Variants in GNAQ observed in about 807,000 individuals in gnomAD.
GNAQ encodes the protein guanine nucleotide-binding protein G(q) subunit alpha.
Under a neutral mutation model 43.9 loss-of-function variants are expected in GNAQ, and 8 were observed. The observed-to-expected ratio is 0.18, with a 90% confidence interval of 0.11 to 0.33. The LOEUF (loss-of-function observed/expected upper bound fraction) is 0.33. Among genes scored for constraint, GNAQ ranks in the 10% least tolerant of loss-of-function variants. The pLI, the probability that GNAQ is intolerant of heterozygous loss-of-function variation, is 1.00. For missense variants in GNAQ, 158 were observed against 450.8 expected (o/e 0.35, Z 5.88); for synonymous variants, 155 against 170.7 (o/e 0.91, Z 0.71).
At chr9:77,929,991 C>T (rs1829126407) in intron 1 of GNAQ, among the ~76,000 whole-genome samples, 1 of 151,898 alleles carries the variant, frequency 6.6e-6, no homozygotes. Flanking sequence ...TAAAAATTAC[C>T]CTGTCATAAC....
intron 6 of GNAQ, among the ~76,000 whole-genome samples, chr9:77,722,188 G>A (rs1191104314): frequency 6.6e-6 from 1 of 151,142 alleles, no homozygotes; most frequent in Non-Finnish European, 1.5e-5. Flanking sequence ...CCAGGTAAGA[G>A]TGCAGTGATA....
chr9:77,722,971 CA>C (rs1423500207), intron 6 of GNAQ, among the ~76,000 whole-genome samples: 7 of 152,144 alleles, frequency 4.6e-5, no homozygotes, highest in African/African-American at 1.7e-4. Context: ...AGTGAAAAGC[CA>C]ATCTATAGAA....
rs959534596 is a variant in GNAQ at position 77,720,850 on chromosome 9, C to T, written c.*473G>A. ...GATGGCTTAAATCGAACGATGTGTCCTGACTGTATCATTTGAGAGAAAAAC... is the reference window on the plus strand; with the variant it reads ...GATGGCTTAAATCGAACGATGTGTCTTGACTGTATCATTTGAGAGAAAAAC... On this transcript the variant is annotated 3_prime_UTR_variant, in exon 7 of 7. Coordinates refer to ENST00000286548, the MANE Select transcript of GNAQ (RefSeq NM_002072.5). 1.7e-5 allele frequency: 4 copies of T among 236,050 alleles called. No homozygotes were observed. The highest frequency in any genetic ancestry group is 4.4e-5 in the African/African-American group (2 of 45,326). The allele number at this position is 236,050 out of a possible 1,614,324, so 14.6% of individuals were successfully genotyped here.
At chr9:77,927,466 A>T (rs1829085651) in intron 1 of GNAQ, among the ~76,000 whole-genome samples, 1 of 152,124 alleles carries the variant, frequency 6.6e-6, no homozygotes, top group Admixed American at 6.5e-5. Context: ...TATTACTGCC[A>T]CTGCTCCGAA....
intron 5 of GNAQ, among the ~76,000 whole-genome samples, chr9:77,758,257 C>A (rs1404524509): frequency 6.6e-6 from 1 of 152,198 alleles, no homozygotes; most frequent in Non-Finnish European, 1.5e-5. Context: ...CTAATACAGG[C>A]TGCCTGTGTT....
At chr9:77,723,637 G>GTAATA (rs537016003) in intron 6 of GNAQ, among the ~76,000 whole-genome samples, 3 of 152,196 alleles carry the variant, frequency 2.0e-5, no homozygotes, top group Non-Finnish European at 2.9e-5. Flanking sequence ...GACAGATGCT[G>GTAATA]TAATATGCAT....
At chr9:77,756,645 G>T (rs1825907727) in intron 5 of GNAQ, among the ~76,000 whole-genome samples, 1 of 152,212 alleles carries the variant, frequency 6.6e-6, no homozygotes, top group Non-Finnish European at 1.5e-5. Flanking sequence ...GAACTGGATT[G>T]CTTCCTTAAC....
chr9:77,951,064 A>G (rs1822969174), intron 1 of GNAQ, among the ~76,000 whole-genome samples: 1 of 149,960 alleles, frequency 6.7e-6, no homozygotes, highest in Non-Finnish European at 1.5e-5. Context: ...CATTTATAAA[A>G]TATGAATACT....
rs77760206 is a variant in GNAQ at position 77,821,818 on chromosome 9, C to T, written c.322-6048G>A. ...CTAGTTTATCTTCAGAGAGTTTATA[C>T]AAAGTCACAGTTGATTTAAAAAAAT... On this transcript the variant is annotated intron_variant, in intron 2 of 6. Transcript: ENST00000286548. Among the ~76,000 whole-genome samples the T allele has an allele frequency of 4.2e-3, 640 of 150,724 alleles. 4 individuals are homozygous for T. Among genetic ancestry groups the T allele is most frequent in the African/African-American group, 0.015 (612 of 41,036 alleles).
intron 1 of GNAQ, among the ~76,000 whole-genome samples, chr9:78,020,347 A>G (rs899088086): frequency 6.6e-6 from 1 of 152,166 alleles, no homozygotes; most frequent in African/African-American, 2.4e-5. Context: ...TGGAGGAAAC[A>G]TGTTGCAAAT....
At chr9:78,012,476 G>C (rs1409660886) in intron 1 of GNAQ, among the ~76,000 whole-genome samples, 2 of 151,844 alleles carry the variant, frequency 1.3e-5, no homozygotes, top group African/African-American at 4.8e-5. Context: ...CAAAGTGCTG[G>C]GATTACAGGT....
chr9:77,861,318 T>C (rs1174329817), intron 2 of GNAQ, among the ~76,000 whole-genome samples: 4 of 152,108 alleles, frequency 2.6e-5, no homozygotes, highest in African/African-American at 7.2e-5. Flanking sequence ...AAGGTGAGAT[T>C]TGGGTGGGGA....
chr9:77,912,990 T>C (rs574448319), intron 2 of GNAQ, among the ~76,000 whole-genome samples: 1 of 152,190 alleles, frequency 6.6e-6, no homozygotes, highest in Non-Finnish European at 1.5e-5. Flanking sequence ...CCAAAACTAG[T>C]AATACCAGCC....
At chr9:77,873,830 G>A (rs1318121779) in intron 2 of GNAQ, among the ~76,000 whole-genome samples, 2 of 152,160 alleles carry the variant, frequency 1.3e-5, no homozygotes, top group Non-Finnish European at 2.9e-5. Flanking sequence ...CCTTTGCCGG[G>A]CGCGGTGGCT....
At chr9:77,837,238 G>A (rs1408876256) in intron 2 of GNAQ, among the ~76,000 whole-genome samples, 1 of 152,114 alleles carries the variant, frequency 6.6e-6, no homozygotes, top group Non-Finnish European at 1.5e-5. Flanking sequence ...TTTCTCAGAA[G>A]TGGAATTCTG....
intron 2 of GNAQ, among the ~76,000 whole-genome samples, chr9:77,861,710 G>A (rs943088183): frequency 9.9e-5 from 15 of 152,092 alleles, no homozygotes; most frequent in African/African-American, 2.7e-4. Context: ...ACACTGATGC[G>A]TGATGCATGA....
chr9:77,728,221 T>C (rs1004525512), intron 6 of GNAQ, among the ~76,000 whole-genome samples: 7 of 152,080 alleles, frequency 4.6e-5, no homozygotes, highest in African/African-American at 1.7e-4. Context: ...TCTCGATCGC[T>C]TGACCTCGTG....
At chr9:77,759,985 C>G (rs1370280807) in intron 5 of GNAQ, among the ~76,000 whole-genome samples, 1 of 148,666 alleles carries the variant, frequency 6.7e-6, no homozygotes, top group East Asian at 2.0e-4. Context: ...GTCTCAAACC[C>G]CTGGGCACAA....
intron 1 of GNAQ, among the ~76,000 whole-genome samples, chr9:78,022,273 G>A (rs1587465584): frequency 6.6e-6 from 1 of 152,158 alleles, no homozygotes; most frequent in Admixed American, 6.5e-5. Context: ...TGGCCGAGAC[G>A]CCAAAGCTGC....
Sources: allele counts gnomAD v4.1 joint callset (sites outside exome capture counted in the v4.1 genomes callset), GRCh38; gene constraint gnomAD v4.1.1; transcripts MANE v1.5; gene names NCBI Gene and HGNC (gene_info 2026-07-23, HGNC 2026-07-21).